The following SIPA1L1 variants were observed in gnomAD, a reference collection of about 807,000 sequenced individuals.
SIPA1L1 encodes signal-induced proliferation-associated 1-like protein 1.
Under a neutral mutation model 162.7 loss-of-function variants are expected in SIPA1L1, and 26 were observed. That is an observed-to-expected ratio of 0.16 (90% confidence interval 0.12 to 0.22). The LOEUF is 0.22. SIPA1L1 is among the 10% of genes least tolerant of loss of function. The probability of loss-of-function intolerance (pLI) is 1.00; values close to 1 mark genes in which losing one functional copy is unlikely to be tolerated. For synonymous variants in SIPA1L1, 829 were observed against 837.4 expected, an observed-to-expected ratio of 0.99 and a Z score of 0.17; for missense variants, 1,874 against 2,241.0, an observed-to-expected ratio of 0.84 and a Z score of 3.31.
At chr14:71,346,404 A>G (rs1407906159) in intron 2 of SIPA1L1, among the ~76,000 whole-genome samples, 2 of 152,146 alleles carry the variant, frequency 1.3e-5, no homozygotes, top group African/African-American at 2.4e-5. Flanking sequence ...GAAACTGGCT[A>G]TTTTATTCTG....
chr14:71,498,507 T>G (rs1209447824), intron 2 of SIPA1L1, among the ~76,000 whole-genome samples: 1 of 152,216 alleles, frequency 6.6e-6, no homozygotes, highest in East Asian at 1.9e-4. Context: ...CTAAGGAAAG[T>G]ACATAAACTC....
At chr14:71,545,790 T>A (rs1223602313) in intron 4 of SIPA1L1, among the ~76,000 whole-genome samples, 1 of 152,148 alleles carries the variant, frequency 6.6e-6, no homozygotes, top group Non-Finnish European at 1.5e-5. Flanking sequence ...AAAAAAGTAT[T>A]CATTGTTTCA....
At chr14:71,454,936 A>G (rs1283844983) in intron 2 of SIPA1L1, among the ~76,000 whole-genome samples, 1 of 152,198 alleles carries the variant, frequency 6.6e-6, no homozygotes, top group East Asian at 1.9e-4. Context: ...CTGATGTCAC[A>G]GGTTCTTTAC....
rs146323508 is a variant in SIPA1L1 at position 71,600,899 on chromosome 14, G to C, written c.1498+11529G>C. On this transcript the variant is annotated intron_variant, in intron 5 of 23. Coordinates refer to ENST00000381232, the MANE Select transcript of SIPA1L1 (RefSeq NM_001386936.1). ...TCTTGATTTCTTTCTCAACTAATTCGTTATTGGTGTAAAGGAACACTACTG... is the reference window on the plus strand; with the variant it reads ...TCTTGATTTCTTTCTCAACTAATTCCTTATTGGTGTAAAGGAACACTACTG... Among the ~76,000 whole-genome samples the C allele has an allele frequency of 5.3e-5, 8 of 151,852 alleles. No homozygotes were observed. The East Asian group carries it at 1.5e-3, about 29-fold the overall frequency.
chr14:71,561,445 C>T (rs901883574), intron 4 of SIPA1L1, among the ~76,000 whole-genome samples: 3 of 152,164 alleles, frequency 2.0e-5, no homozygotes, highest in Admixed American at 6.5e-5. Flanking sequence ...AGCATTAATT[C>T]GCAGTGCCCA....
At chr14:71,597,026 G>C (rs913291294) in intron 5 of SIPA1L1, among the ~76,000 whole-genome samples, 1 of 152,150 alleles carries the variant, frequency 6.6e-6, no homozygotes, top group Non-Finnish European at 1.5e-5. Context: ...CTGGAGTGCA[G>C]TGGCGTGATT....
chr14:71,463,239 A>G (rs992900915), intron 2 of SIPA1L1, among the ~76,000 whole-genome samples: 4 of 152,164 alleles, frequency 2.6e-5, no homozygotes, highest in African/African-American at 9.7e-5. Flanking sequence ...CTTTCCCTCC[A>G]TAATAGCCCT....
chr14:71,573,053 T>C (rs1233224509), intron 4 of SIPA1L1, among the ~76,000 whole-genome samples: 1 of 152,180 alleles, frequency 6.6e-6, no homozygotes, highest in Non-Finnish European at 1.5e-5. Context: ...GAGCGTGTTA[T>C]TTAGGAATAA....
At chr14:71,502,386 A>G (rs2050333076) in intron 2 of SIPA1L1, among the ~76,000 whole-genome samples, 1 of 151,140 alleles carries the variant, frequency 6.6e-6, no homozygotes, top group Non-Finnish European at 1.5e-5. Flanking sequence ...CTACAGGCAC[A>G]TGCTACCATG....
In SIPA1L1 at chr14:71,377,377, G is replaced by A. The variant is rs1189044794; in HGVS notation, c.-465+56196G>A. On this transcript the variant is annotated intron_variant, in intron 2 of 23. Transcript: ENST00000381232. The surrounding 1 kb of genome is among the most constrained non-coding windows in gnomAD (Gnocchi z 4.8). Reference sequence around the variant, plus strand: ...CGGAGGCACTCCTCAGTTCCCAGACGGGGTCGCGGCCGGGCAGAGGCACTC... The same window carrying A: ...CGGAGGCACTCCTCAGTTCCCAGACAGGGTCGCGGCCGGGCAGAGGCACTC... 1.3e-5 allele frequency among the ~76,000 whole-genome samples: 2 copies of A among 151,664 alleles called. No homozygotes were observed. The highest frequency in any genetic ancestry group is 2.9e-5 in the Non-Finnish European group (2 of 67,870).
Position 71,321,172 on chromosome 14 carries a change from G to C in SIPA1L1, c.-474G>C, listed in dbSNP as rs932932999. ...GGACGCGCGGCGGCACCGGGAGGCC[G>C]GGCCGAGCGGTAAGTGGTCCCCGCG... is the stretch of plus-strand genomic sequence containing the variant. On this transcript the variant is annotated 5_prime_UTR_variant, in exon 2 of 24. Transcript: ENST00000381232. The C allele has an allele frequency of 6.6e-6, 1 of 152,042 alleles. No homozygotes were observed. The highest frequency in any genetic ancestry group is 1.5e-5 in the Non-Finnish European group (1 of 68,022). The allele number at this position is 152,042 out of a possible 1,614,324, so 9.4% of individuals were successfully genotyped here.
At chr14:71,428,681 G>C (rs1471992332) in intron 2 of SIPA1L1, among the ~76,000 whole-genome samples, 3 of 152,212 alleles carry the variant, frequency 2.0e-5, no homozygotes, top group African/African-American at 7.2e-5. Context: ...CTTCCTGCAA[G>C]AGGGGAGGTT....
chr14:71,391,987 A>T (rs189335948), intron 2 of SIPA1L1, among the ~76,000 whole-genome samples: 1 of 152,208 alleles, frequency 6.6e-6, no homozygotes, highest in Non-Finnish European at 1.5e-5. Flanking sequence ...ATCTGAAGCC[A>T]TTCAGCATCA....
In SIPA1L1 at chr14:71,636,168, CAA is replaced by C. The variant is rs984987148; in HGVS notation, c.1818+11934_1818+11935del. The stretch of plus-strand genomic sequence containing the variant: ...AAAGGAAAACTAGACAGAAAATCAG[CAA>C]AGACATAGAACTTCACAACATCAAC... On this transcript the variant is annotated intron_variant, in intron 7 of 23. Coordinates refer to ENST00000381232, the MANE Select transcript of SIPA1L1 (RefSeq NM_001386936.1). 2.0e-5 allele frequency among the ~76,000 whole-genome samples: 3 copies of C among 152,154 alleles called. 1 individual carries two copies. Among genetic ancestry groups the C allele is most frequent in the South Asian group, 4.1e-4 (2 of 4,832 alleles).
chr14:71,326,253 G>C (rs988599590), intron 2 of SIPA1L1, among the ~76,000 whole-genome samples: 1 of 150,314 alleles, frequency 6.7e-6, no homozygotes, highest in Non-Finnish European at 1.5e-5. Flanking sequence ...GTGTCACCCA[G>C]GCTGGAGTGC....
intron 4 of SIPA1L1, among the ~76,000 whole-genome samples, chr14:71,542,608 C>A: frequency 8.4e-6 from 1 of 119,196 alleles, no homozygotes. Flanking sequence ...TCCTCTTCCT[C>A]CCCCTCCCCC....
chr14:71,411,121 TG>T (rs2042373961), intron 2 of SIPA1L1, among the ~76,000 whole-genome samples: 5 of 152,112 alleles, frequency 3.3e-5, no homozygotes, highest in Admixed American at 2.0e-4. Flanking sequence ...TTTAGCATTT[TG>T]TTTTTTTTTT....
At chr14:71,509,835 G>A (rs1486552546) in intron 2 of SIPA1L1, among the ~76,000 whole-genome samples, 1 of 152,048 alleles carries the variant, frequency 6.6e-6, no homozygotes, top group Non-Finnish European at 1.5e-5. Context: ...GTTATTTCAG[G>A]TTACTTTTCT....
intron 2 of SIPA1L1, among the ~76,000 whole-genome samples, chr14:71,502,255 A>AAAATATATAT (rs67020418): frequency 1.0e-5 from 1 of 97,552 alleles, no homozygotes; most frequent in African/African-American, 4.5e-5. Flanking sequence ...AAAAAAAAAA[A>AAAATATATAT]ATATATATAT....
Sources: allele counts gnomAD v4.1 joint callset (sites outside exome capture counted in the v4.1 genomes callset), GRCh38; gene constraint gnomAD v4.1.1; non-coding constraint Gnocchi (gnomAD v3.1); transcripts MANE v1.5; gene names NCBI Gene and HGNC (gene_info 2026-07-23, HGNC 2026-07-21).